The following DIP2C variants were observed in gnomAD, a reference collection of about 807,000 sequenced individuals.
DIP2C encodes disco-interacting protein 2 homolog C.
In DIP2C, 33 loss-of-function variants were observed where a neutral mutation model predicts 192.4. That is an observed-to-expected ratio of 0.17 (90% CI 0.13 to 0.23). DIP2C has a LOEUF of 0.23. Among genes scored for constraint, DIP2C ranks in the 10% least tolerant of loss-of-function variants. The pLI is 1.00. For missense variants in DIP2C, 1,537 were observed against 2,110.1 expected (o/e 0.73, Z 5.32); for synonymous variants, 979 against 864.1 (o/e 1.13, Z -2.33).
At chr10:555,448 G>A (rs566651428) in intron 1 of DIP2C, among the ~76,000 whole-genome samples, 19 of 152,154 alleles carry the variant, frequency 1.2e-4, no homozygotes, top group Non-Finnish European at 2.4e-4. Context: ...CTCAGTCGCC[G>A]AATCTCCCTG....
chr10:499,925 C>G (rs1459254316), intron 1 of DIP2C, among the ~76,000 whole-genome samples: 1 of 152,218 alleles, frequency 6.6e-6, no homozygotes. Context: ...TAGGTGCTGA[C>G]TAGGACTTAT....
chr10:557,601 A>G (rs1299382013), intron 1 of DIP2C, among the ~76,000 whole-genome samples: 1 of 141,244 alleles, frequency 7.1e-6, no homozygotes, highest in African/African-American at 2.7e-5. Context: ...TACCAAGTGA[A>G]AAACAACAAT....
chr10:522,748 T>G (rs1208006851), intron 1 of DIP2C, among the ~76,000 whole-genome samples: 1 of 152,270 alleles, frequency 6.6e-6, no homozygotes, highest in Non-Finnish European at 1.5e-5. Context: ...TATTGGGTTT[T>G]GAGAGTTCCT....
chr10:576,852 G>A (rs1031578926), intron 1 of DIP2C, among the ~76,000 whole-genome samples: 1 of 152,082 alleles, frequency 6.6e-6, no homozygotes, highest in Non-Finnish European at 1.5e-5. Context: ...GGAGGTTGTA[G>A]TGAACCAAGA....
At chr10:468,279 C>T (rs1003560124) in intron 3 of DIP2C, among the ~76,000 whole-genome samples, 2 of 152,048 alleles carry the variant, frequency 1.3e-5, no homozygotes, top group Non-Finnish European at 2.9e-5. Flanking sequence ...CAGCAAGAAA[C>T]AGCAAAGAAT....
At chr10:622,048 A>G (rs1283590121) in intron 1 of DIP2C, among the ~76,000 whole-genome samples, 1 of 151,476 alleles carries the variant, frequency 6.6e-6, no homozygotes, top group Non-Finnish European at 1.5e-5. Flanking sequence ...CACAGGACTG[A>G]GCATTGAGCA....
chr10:408,442 C>T (rs2133069166), intron 9 of DIP2C, among the ~76,000 whole-genome samples: 1 of 152,316 alleles, frequency 6.6e-6, no homozygotes, highest in Middle Eastern at 3.4e-3. Context: ...GAATCCCAGG[C>T]CACGGTCTCC....
intron 1 of DIP2C, among the ~76,000 whole-genome samples, chr10:557,047 C>CT (rs1290307872): frequency 6.6e-6 from 1 of 152,268 alleles, no homozygotes; most frequent in Non-Finnish European, 1.5e-5. Flanking sequence ...TGTGTGCTCC[C>CT]TCCTGCAGAG....
At chr10:650,029 T>C in intron 1 of DIP2C, 1 of 683,728 alleles carries the variant, frequency 1.5e-6, no homozygotes. Flanking sequence ...AGGAAGGCAA[T>C]TCTGAGCCTT....
intron 2 of DIP2C, among the ~76,000 whole-genome samples, chr10:483,144 A>G (rs1381314469): frequency 2.6e-5 from 4 of 152,206 alleles, no homozygotes; most frequent in Admixed American, 2.0e-4. Flanking sequence ...CCCCCATTGT[A>G]GCTCGTAATT....
chr10:307,476 G>A (rs1403516502), intron 32 of DIP2C, among the ~76,000 whole-genome samples: 1 of 152,140 alleles, frequency 6.6e-6, no homozygotes, highest in African/African-American at 2.4e-5. Context: ...TTGGAGGACT[G>A]GAGAAAAGGC....
intron 31 of DIP2C, among the ~76,000 whole-genome samples, chr10:314,948 C>T (rs927814765): frequency 1.3e-5 from 2 of 152,234 alleles, no homozygotes; most frequent in South Asian, 2.1e-4. Context: ...AGTTCATTTA[C>T]TTTTCACGTC....
chr10:300,745 A>C (rs1955996416), intron 32 of DIP2C, among the ~76,000 whole-genome samples: 1 of 145,162 alleles, frequency 6.9e-6, no homozygotes, highest in Non-Finnish European at 1.5e-5. Flanking sequence ...CGCGGCCCTG[A>C]GCGTGTGGAG....
At chr10:611,261 G>T (rs1019602895) in intron 1 of DIP2C, among the ~76,000 whole-genome samples, 3 of 152,160 alleles carry the variant, frequency 2.0e-5, no homozygotes, top group Non-Finnish European at 4.4e-5. Flanking sequence ...CACCCTGATT[G>T]TAAGTTTCCC....
intron 17 of DIP2C, among the ~76,000 whole-genome samples, chr10:377,853 CATTGTTTT>C (rs2132848809): frequency 6.6e-6 from 1 of 152,284 alleles, no homozygotes; most frequent in South Asian, 2.1e-4. Context: ...ATTATTGTTT[CATTGTTTT>C]ATATGATTTT....
intron 23 of DIP2C, 107 bp from the exon 24 acceptor site, chr10:356,613 G>T: frequency 1.1e-6 from 1 of 905,842 alleles, no homozygotes; most frequent in Non-Finnish European, 1.7e-6. Context: ...TGAGTGCTTT[G>T]GGTCTTAAAA....
At chr10:605,356 G>A (rs1389076039) in intron 1 of DIP2C, among the ~76,000 whole-genome samples, 1 of 152,178 alleles carries the variant, frequency 6.6e-6, no homozygotes, top group East Asian at 1.9e-4. Flanking sequence ...ATTCACTACA[G>A]GTTCCAGAAT....
chr10:391,833 A>T (rs1311984678), intron 10 of DIP2C, among the ~76,000 whole-genome samples: 1 of 152,174 alleles, frequency 6.6e-6, no homozygotes, highest in East Asian at 1.9e-4. Context: ...CTGTTCCCTG[A>T]TAACAGGAAA....
chr10:466,088 CT>C (rs1970176760), intron 3 of DIP2C, among the ~76,000 whole-genome samples: 1 of 147,728 alleles, frequency 6.8e-6, no homozygotes, highest in South Asian at 2.2e-4. Context: ...CAAGTCAATC[CT>C]AAGCCAAAAG....
Sources: allele counts gnomAD v4.1 joint callset (sites outside exome capture counted in the v4.1 genomes callset), GRCh38; gene constraint gnomAD v4.1.1; transcripts MANE v1.5; gene names NCBI Gene and HGNC (gene_info 2026-07-23, HGNC 2026-07-21).